Variants in CADM2 observed in about 807,000 individuals in gnomAD.
CADM2 encodes the protein cell adhesion molecule 2, also known as immunoglobulin superfamily member 4D.
Under a neutral mutation model 49.8 loss-of-function variants are expected in CADM2, and 12 were observed. The ratio of observed to expected loss-of-function variants is 0.24; its 90% CI spans 0.15 to 0.39. The LOEUF is 0.39. CADM2 is among the 10% of genes least tolerant of loss of function. The pLI is 1.00. For synonymous variants in CADM2, 214 were observed against 175.4 expected, an observed-to-expected ratio of 1.22 and a Z score of -1.74; for missense variants, 378 against 492.3, an observed-to-expected ratio of 0.77 and a Z score of 2.20.
At chr3:85,096,536 G>A (rs1559658833) in intron 1 of CADM2, among the ~76,000 whole-genome samples, 2 of 151,940 alleles carry the variant, frequency 1.3e-5, no homozygotes, top group Non-Finnish European at 2.9e-5. Flanking sequence ...ATAAGTTTGG[G>A]TTGAAAGTTA....
At chr3:85,699,301 G>T (rs1379642546) in intron 1 of CADM2, among the ~76,000 whole-genome samples, 3 of 152,252 alleles carry the variant, frequency 2.0e-5, no homozygotes, top group South Asian at 4.2e-4. Context: ...GGACCTGGAG[G>T]ATGGCGGCCC....
intron 2 of CADM2, among the ~76,000 whole-genome samples, chr3:85,770,622 G>A (rs759349052): frequency 6.6e-6 from 1 of 152,120 alleles, no homozygotes; most frequent in Non-Finnish European, 1.5e-5. Context: ...ATGATAGGGA[G>A]ATTAAATATG....
intron 1 of CADM2, among the ~76,000 whole-genome samples, chr3:84,961,624 A>ATGTGTG (rs919725759): frequency 6.6e-6 from 1 of 150,980 alleles, no homozygotes; most frequent in Admixed American, 6.6e-5. Flanking sequence ...GTGTGTGTGT[A>ATGTGTG]TGTGTGTGTG....
intron 1 of CADM2, among the ~76,000 whole-genome samples, chr3:85,113,544 A>G (rs2038533725): frequency 6.6e-6 from 1 of 152,118 alleles, no homozygotes; most frequent in Admixed American, 6.6e-5. Flanking sequence ...GTTTAAACAA[A>G]AATCAAAGGT....
chr3:85,632,235 C>G lies in CADM2; in HGVS notation c.62-94287C>G, dbSNP rs149995883. 1.2e-3 allele frequency among the ~76,000 whole-genome samples: 177 copies of G among 152,162 alleles called. 1 individual carries two copies. Among genetic ancestry groups the G allele is most frequent in the African/African-American group, 3.9e-3 (161 of 41,540 alleles). On this transcript the variant is annotated intron_variant, in intron 1 of 9. Coordinates refer to ENST00000383699, the MANE Select transcript of CADM2 (RefSeq NM_001167675.2). The stretch of plus-strand genomic sequence containing the variant: ...TTCCCTACACTAGCTCTCTCTTTGC[C>G]TGCTGTCATTCACATAAGATGTGAC...
chr3:85,611,707 A>G (rs2063687076), intron 1 of CADM2, among the ~76,000 whole-genome samples: 1 of 67,978 alleles, frequency 1.5e-5, no homozygotes, highest in Non-Finnish European at 3.9e-5. Flanking sequence ...CCAGAGGAAT[A>G]CTTTTTTTTT....
At chr3:85,656,134 G>T (rs1393362114) in intron 1 of CADM2, among the ~76,000 whole-genome samples, 1 of 152,024 alleles carries the variant, frequency 6.6e-6, no homozygotes, top group South Asian at 2.1e-4. Context: ...TCTGTTATTA[G>T]AAAAAGCTAT....
At chr3:85,649,800 G>A (rs1031387305) in intron 1 of CADM2, among the ~76,000 whole-genome samples, 2 of 152,120 alleles carry the variant, frequency 1.3e-5, no homozygotes, top group Non-Finnish European at 2.9e-5. Flanking sequence ...GCTCAGTCCA[G>A]TTATAAATTC....
At chr3:86,038,745 AT>A (rs1320039454) in intron 8 of CADM2, among the ~76,000 whole-genome samples, 1 of 152,096 alleles carries the variant, frequency 6.6e-6, no homozygotes, top group Non-Finnish European at 1.5e-5. Flanking sequence ...ATAACTCTGC[AT>A]TTTTCCTTTT....
At chr3:85,134,027 G>A (rs1024671789) in intron 1 of CADM2, among the ~76,000 whole-genome samples, 8 of 152,340 alleles carry the variant, frequency 5.3e-5, no homozygotes, top group Non-Finnish European at 7.4e-5. Flanking sequence ...GCTAAGGCCC[G>A]GTGAGAAATC....
intron 3 of CADM2, among the ~76,000 whole-genome samples, chr3:85,821,286 C>T (rs1400230015): frequency 1.3e-5 from 2 of 152,122 alleles, no homozygotes; most frequent in African/African-American, 4.8e-5. Flanking sequence ...CAGGATCAGA[C>T]ATCAATAATC....
intron 1 of CADM2, among the ~76,000 whole-genome samples, chr3:85,321,394 A>C (rs1227340880): frequency 6.6e-6 from 1 of 151,530 alleles, no homozygotes; most frequent in East Asian, 1.9e-4. Flanking sequence ...CATGTTGGCC[A>C]GGCTGGTCTC....
intron 5 of CADM2, among the ~76,000 whole-genome samples, chr3:85,911,135 C>A (rs1717529106): frequency 1.3e-5 from 2 of 151,954 alleles, no homozygotes; most frequent in South Asian, 4.1e-4. Context: ...TTATTTGATA[C>A]TGAATGATGT....
intron 1 of CADM2, among the ~76,000 whole-genome samples, chr3:85,043,240 G>A (rs1056177945): frequency 3.3e-5 from 5 of 151,958 alleles, no homozygotes; most frequent in Non-Finnish European, 4.4e-5. Context: ...GCTTGCTACA[G>A]GTAGGAAGGG....
chr3:85,769,559 A>G lies in CADM2; in HGVS notation c.89-32488A>G, dbSNP rs1429604695. Among the ~76,000 whole-genome samples the G allele has an allele frequency of 3.6e-5, 3 of 82,386 alleles. No individual in the cohort carries two copies. The East Asian group carries it at 8.6e-4, about 24-fold the overall frequency. The allele number at this position is 82,386 out of a possible 152,430, so 54.0% of individuals were successfully genotyped here. A position where few individuals can be genotyped will look rare whatever the true frequency, so the allele number is the denominator to read the frequency against. ...TATACACGTATATACATATATGTATATATACACGTATATACATATATACAT... is the reference window on the plus strand; with the variant it reads ...TATACACGTATATACATATATGTATGTATACACGTATATACATATATACAT... On this transcript the variant is annotated intron_variant, in intron 2 of 9. Transcript: ENST00000383699.
chr3:85,764,811 TCTC>T (rs2069576350), intron 2 of CADM2, among the ~76,000 whole-genome samples: 2 of 152,068 alleles, frequency 1.3e-5, no homozygotes, highest in African/African-American at 4.8e-5. Context: ...GTATTAATTA[TCTC>T]CTTTTATGTT....
chr3:84,966,376 T>C (rs1559593452), intron 1 of CADM2, among the ~76,000 whole-genome samples: 1 of 152,028 alleles, frequency 6.6e-6, no homozygotes, highest in Non-Finnish European at 1.5e-5. Flanking sequence ...AGTTTAGGGC[T>C]TTCAGGGATG....
At chr3:85,358,053 C>A (rs542268144) in intron 1 of CADM2, among the ~76,000 whole-genome samples, 1 of 152,134 alleles carries the variant, frequency 6.6e-6, no homozygotes, top group Non-Finnish European at 1.5e-5. Context: ...ATATCAACTT[C>A]AGTGCCATTG....
At chr3:85,581,698 C>G (rs2062803286) in intron 1 of CADM2, among the ~76,000 whole-genome samples, 1 of 151,944 alleles carries the variant, frequency 6.6e-6, no homozygotes, top group African/African-American at 2.4e-5. Context: ...ACATGGAAAA[C>G]TGGGCTATCA....
Sources: gnomAD v4.1 joint callset for allele counts (sites outside exome capture counted in the v4.1 genomes callset) on GRCh38, gnomAD v4.1.1 for gene constraint, MANE v1.5 for transcripts, NCBI Gene and HGNC (gene_info 2026-07-23, HGNC 2026-07-21) for gene names.